Variants in PPP2R2A observed in about 807,000 individuals in gnomAD.
The protein encoded by PPP2R2A is serine/threonine-protein phosphatase 2A 55 kDa regulatory subunit B alpha isoform.
PPP2R2A carries 9 observed loss-of-function variants against 53.2 expected under a neutral mutation model. That is an observed-to-expected ratio of 0.17 (90% CI 0.10 to 0.30). The LOEUF is 0.30. Ranked by LOEUF, PPP2R2A falls within the 10% of genes least tolerant of loss-of-function variation. PPP2R2A has a pLI of 1.00. For missense variants in PPP2R2A, 235 were observed against 534.6 expected (o/e 0.44, Z 5.53); for synonymous variants, 169 against 174.2 (o/e 0.97, Z 0.23).
At chr8:26,337,244 A>C (rs563698209) in intron 2 of PPP2R2A, among the ~76,000 whole-genome samples, 5 of 152,266 alleles carry the variant, frequency 3.3e-5, no homozygotes, top group African/African-American at 1.2e-4. Context: ...AGTTCATTTG[A>C]TGGTTAGGCT....
At chr8:26,312,730 T>C (rs11784209) in intron 2 of PPP2R2A, among the ~76,000 whole-genome samples, 89,638 of 151,982 alleles carry the variant, frequency 0.59, 26,703 homozygotes, top group South Asian at 0.63. Context: ...CAAAGGTGTG[T>C]TTTTTGCTGG....
intron 2 of PPP2R2A, among the ~76,000 whole-genome samples, chr8:26,308,920 G>T (rs1825186): frequency 0.064 from 9,671 of 152,114 alleles, 468 homozygotes; most frequent in East Asian, 0.25. Context: ...CAGTGCAGTG[G>T]TGTGATCATG....
intron 8 of PPP2R2A, among the ~76,000 whole-genome samples, chr8:26,364,903 C>T (rs894210322): frequency 2.0e-5 from 3 of 152,094 alleles, no homozygotes; most frequent in African/African-American, 7.2e-5. Context: ...GTGTGGGTTC[C>T]GCAGGGCTAA....
In PPP2R2A at chr8:26,335,833, G is replaced by A. The variant is rs569152208; in HGVS notation, c.83-3057G>A. On this transcript the variant is annotated intron_variant, in intron 2 of 9. Transcript: ENST00000380737. ...GTCCCTCTTAAAATTCTTTACCTTTGCTACAAAACTAGTTCACTGCTAAAC... is the reference window on the plus strand; with the variant it reads ...GTCCCTCTTAAAATTCTTTACCTTTACTACAAAACTAGTTCACTGCTAAAC... 3.9e-5 allele frequency among the ~76,000 whole-genome samples: 6 copies of A among 152,118 alleles called. 1 individual carries two copies. The highest frequency in any genetic ancestry group is 2.9e-5 in the Non-Finnish European group (2 of 68,008).
chr8:26,316,916 C>A (rs1802586014), intron 2 of PPP2R2A, among the ~76,000 whole-genome samples: 1 of 152,140 alleles, frequency 6.6e-6, no homozygotes, highest in African/African-American at 2.4e-5. Context: ...TAGTCCATAG[C>A]AACATAAAGT....
intron 6 of PPP2R2A, among the ~76,000 whole-genome samples, chr8:26,361,658 T>C (rs1259262205): frequency 6.6e-6 from 1 of 152,138 alleles, no homozygotes; most frequent in Non-Finnish European, 1.5e-5. Flanking sequence ...TATTTGAATT[T>C]TTTATTGTAA....
At chr8:26,318,410 T>C (rs1802670156) in intron 2 of PPP2R2A, among the ~76,000 whole-genome samples, 1 of 152,192 alleles carries the variant, frequency 6.6e-6, no homozygotes, top group Non-Finnish European at 1.5e-5. Context: ...TTATAAATCT[T>C]TCCTGAAATA....
At chr8:26,308,220 G>GA (rs1444486815) in intron 2 of PPP2R2A, among the ~76,000 whole-genome samples, 2 of 152,226 alleles carry the variant, frequency 1.3e-5, no homozygotes, top group Non-Finnish European at 2.9e-5. Context: ...TCTTGATGTT[G>GA]ATGGCTGTTG....
intron 1 of PPP2R2A, chr8:26,293,386 A>G (rs747519512): frequency 1.2e-5 from 12 of 1,006,636 alleles, no homozygotes; most frequent in Admixed American, 2.2e-5. Context: ...GCCTGAATGT[A>G]AGGCTTTTAC....
chr8:26,297,196 G>C (rs1295738594), intron 2 of PPP2R2A, among the ~76,000 whole-genome samples: 1 of 152,142 alleles, frequency 6.6e-6, no homozygotes, highest in Non-Finnish European at 1.5e-5. Flanking sequence ...TGCATCCTCA[G>C]CCTCCCGGGT....
intron 2 of PPP2R2A, among the ~76,000 whole-genome samples, chr8:26,323,893 C>G (rs186521633): frequency 2.0e-5 from 3 of 152,320 alleles, no homozygotes; most frequent in Admixed American, 1.3e-4. Flanking sequence ...CCTCTACTCT[C>G]TTAGGCTACT....
At chr8:26,326,419 C>T (rs996932815) in intron 2 of PPP2R2A, among the ~76,000 whole-genome samples, 20 of 152,280 alleles carry the variant, frequency 1.3e-4, no homozygotes, top group African/African-American at 4.8e-4. Flanking sequence ...ACCTTAAAGA[C>T]TCCGCCATTT....
chr8:26,332,480 A>T (rs1431513773), intron 2 of PPP2R2A, among the ~76,000 whole-genome samples: 1 of 151,664 alleles, frequency 6.6e-6, no homozygotes, highest in Admixed American at 6.6e-5. Flanking sequence ...TATTTTTTTA[A>T]AACGGGCATT....
At chr8:26,334,775 G>T (rs1323579318) in intron 2 of PPP2R2A, among the ~76,000 whole-genome samples, 2 of 152,000 alleles carry the variant, frequency 1.3e-5, no homozygotes, top group African/African-American at 4.8e-5. Flanking sequence ...AACAAAAAAA[G>T]TCAGTATCCA....
chr8:26,303,039 C>T (rs1048086206), intron 2 of PPP2R2A, among the ~76,000 whole-genome samples: 1 of 152,108 alleles, frequency 6.6e-6, no homozygotes, highest in Non-Finnish European at 1.5e-5. Context: ...TCATGAACCA[C>T]AAGGTAAGTG....
intron 1 of PPP2R2A, 134 bp downstream of exon 1, chr8:26,291,960 A>C: frequency 1.3e-5 from 4 of 304,610 alleles, no homozygotes; most frequent in East Asian, 1.8e-4. Context: ...TAGGGTCCAG[A>C]GGGGTGGGGT....
chr8:26,294,386 G>A (rs532575797), intron 2 of PPP2R2A, among the ~76,000 whole-genome samples: 2 of 152,258 alleles, frequency 1.3e-5, no homozygotes, highest in South Asian at 2.1e-4. Context: ...AAGTACTTAC[G>A]TCTAATTTTC....
chr8:26,320,722 G>A (rs1361316230), intron 2 of PPP2R2A, among the ~76,000 whole-genome samples: 1 of 152,174 alleles, frequency 6.6e-6, no homozygotes, highest in Non-Finnish European at 1.5e-5. Flanking sequence ...GTTTTAAACG[G>A]AACCAAGTTT....
At chr8:26,296,830 G>A (rs750647416) in intron 2 of PPP2R2A, among the ~76,000 whole-genome samples, 1 of 152,130 alleles carries the variant, frequency 6.6e-6, no homozygotes, top group Non-Finnish European at 1.5e-5. Flanking sequence ...TTACTTGGTA[G>A]GCTTTTTAAA....
Sources: allele counts gnomAD v4.1 joint callset (sites outside exome capture counted in the v4.1 genomes callset), GRCh38; gene constraint gnomAD v4.1.1; transcripts MANE v1.5; gene names NCBI Gene and HGNC (gene_info 2026-07-23, HGNC 2026-07-21).